The following TG variants were observed in gnomAD, a reference collection of about 807,000 sequenced individuals.
TG encodes the protein thyroglobulin, also known as thyroid hormones.
TG carries 270 observed loss-of-function variants against 324.7 expected under a neutral mutation model. The observed-to-expected ratio is 0.83, with a 90% CI of 0.75 to 0.92. The LOEUF is 0.92. Ranked by LOEUF, TG falls within the 40% of genes least tolerant of loss-of-function variation. The pLI, the probability that TG is intolerant of heterozygous loss-of-function variation, is 0.00. For synonymous variants in TG, 1,401 were observed against 1,327.0 expected (o/e 1.06, Z -1.21); for missense variants, 3,591 against 3,456.4 (o/e 1.04, Z -0.98).
chr8:133,113,275 G>A (rs1202530526), intron 43 of TG, 147 bp from the exon 44 acceptor site: 2 of 874,516 alleles, frequency 2.3e-6, no homozygotes, highest in Admixed American at 2.1e-5. Flanking sequence ...GCTGGGATTC[G>A]AACTCAGACA....
intron 38 of TG, among the ~76,000 whole-genome samples, chr8:133,019,111 G>C (rs1006774025): frequency 6.6e-6 from 1 of 152,210 alleles, no homozygotes; most frequent in Admixed American, 6.5e-5. Flanking sequence ...TAGGTGATGA[G>C]CCAAGTCACC....
Position 132,888,183 on chromosome 8 carries a change from C to A in TG, c.2376C>A (p.Asn792Lys). ...TGTACCAACGATGGGAGGCTCAGAA[C>A]AAGGGCCAGGATCTGACGCCTGCCA... is the stretch of plus-strand genomic sequence containing the variant. ...FELYQRWEAQ[N>K]KGQDLTPAKL... Residue 792 changes from asparagine (N) to lysine (K), a missense_variant, in exon 10 of 48, where the codon AAC becomes AAA. Coordinates refer to ENST00000220616, the MANE Select transcript of TG (RefSeq NM_003235.5). 6.2e-7 allele frequency: 1 copy of A among 1,614,168 alleles called. No individual in the cohort carries two copies. The highest frequency in any genetic ancestry group is 8.5e-7 in the Non-Finnish European group (1 of 1,180,032).
chr8:132,904,828 G>A (rs1818439082), intron 16 of TG, among the ~76,000 whole-genome samples: 2 of 152,172 alleles, frequency 1.3e-5, no homozygotes, highest in Non-Finnish European at 1.5e-5. Context: ...CACTGAAATG[G>A]GAAGGATGCT....
At chr8:132,926,749 G>C (rs1179786739) in intron 22 of TG, among the ~76,000 whole-genome samples, 1 of 152,122 alleles carries the variant, frequency 6.6e-6, no homozygotes. Context: ...ACCATTCCAT[G>C]CTATATTATT....
chr8:133,017,706 GA>G (rs781486463), intron 37 of TG, 71 bp from the exon 38 acceptor site: 1 of 1,419,708 alleles, frequency 7.0e-7, no homozygotes, highest in South Asian at 1.2e-5. Flanking sequence ...AGCACATTCA[GA>G]ATGCCAGTGG....
chr8:133,023,319 A>G (rs1434730315), intron 40 of TG, among the ~76,000 whole-genome samples: 1 of 151,942 alleles, frequency 6.6e-6, no homozygotes, highest in African/African-American at 2.4e-5. Flanking sequence ...ATTTTTTTTG[A>G]TGGGGAGCAG....
chr8:133,061,337 G>A (rs1439830642), intron 41 of TG, among the ~76,000 whole-genome samples: 1 of 152,146 alleles, frequency 6.6e-6, no homozygotes, highest in African/African-American at 2.4e-5. Context: ...TGACTGTTTT[G>A]GGGAACACTA....
chr8:132,872,349 G>T (rs928338675), intron 4 of TG, among the ~76,000 whole-genome samples: 3 of 151,706 alleles, frequency 2.0e-5, no homozygotes, highest in African/African-American at 7.3e-5. Flanking sequence ...GTGGTGGCGG[G>T]CACCTGTAGT....
rs200707041 is a variant in TG, at chr8:132,969,266, T to TA, written c.5864-184dup. On this transcript the variant is annotated intron_variant, in intron 31 of 47. Transcript: ENST00000220616. ...TTTTGTTGCTGTGTCTCCACTTTTT[T>TA]AAAAAAAATCTTTGTCCCTGTGGAC... 2.6e-3 allele frequency among the ~76,000 whole-genome samples: 391 copies of TA among 152,156 alleles called. 3 individuals carry two copies. Among genetic ancestry groups the TA allele is most frequent in the African/African-American group, 6.9e-3 (287 of 41,492 alleles).
At chr8:133,032,020 A>G (rs1185345934) in intron 41 of TG, among the ~76,000 whole-genome samples, 2 of 152,158 alleles carry the variant, frequency 1.3e-5, no homozygotes, top group East Asian at 3.9e-4. Flanking sequence ...CAAGACTGCT[A>G]GCTCCAGCTG....
chr8:132,907,845 T>C (rs1247830335), intron 17 of TG, among the ~76,000 whole-genome samples: 3 of 152,166 alleles, frequency 2.0e-5, no homozygotes, highest in Non-Finnish European at 4.4e-5. Flanking sequence ...TCCCATCATC[T>C]ATGATGTCTA....
intron 5 of TG, among the ~76,000 whole-genome samples, chr8:132,873,596 A>G (rs1012468639): frequency 6.6e-6 from 1 of 152,222 alleles, no homozygotes; most frequent in South Asian, 2.1e-4. Flanking sequence ...GTAGCCATTA[A>G]AAAGACTGCG....
chr8:133,005,080 G>A (rs767272153), intron 35 of TG, among the ~76,000 whole-genome samples: 1 of 152,226 alleles, frequency 6.6e-6, no homozygotes, highest in Non-Finnish European at 1.5e-5. Context: ...AAGGAGCACT[G>A]GGGGACAGTA....
intron 41 of TG, chr8:133,040,048 G>C (rs138114921): frequency 3.2e-6 from 5 of 1,552,948 alleles, no homozygotes; most frequent in Non-Finnish European, 4.4e-6. Flanking sequence ...TGACAGGTGA[G>C]CTGGAGGCCC....
chr8:133,081,474 T>A (rs2131533416), intron 41 of TG, among the ~76,000 whole-genome samples: 1 of 152,284 alleles, frequency 6.6e-6, no homozygotes, highest in South Asian at 2.1e-4. Context: ...CAAAGTTGGA[T>A]CAGCGGTCCA....
chr8:132,952,520 T>TGGGAATTCGGGTGCAGACACCTGC, intron 27 of TG, among the ~76,000 whole-genome samples: 1 of 152,280 alleles, frequency 6.6e-6, no homozygotes, highest in African/African-American at 2.4e-5. Context: ...GAGGCACCTA[T>TGGGAATTCGGGTGCAGACACCTGC]GGGACTTCGG....
intron 30 of TG, among the ~76,000 whole-genome samples, chr8:132,967,531 C>T (rs1828803517): frequency 6.6e-6 from 1 of 152,146 alleles, no homozygotes; most frequent in African/African-American, 2.4e-5. Flanking sequence ...ACTCTTTTGC[C>T]TCTTGTATTG....
At chr8:132,990,173 T>TAA (rs1236972476) in intron 35 of TG, among the ~76,000 whole-genome samples, 2 of 148,662 alleles carry the variant, frequency 1.3e-5, no homozygotes, top group Admixed American at 6.7e-5. Flanking sequence ...TATATATATA[T>TAA]ATATATATAA....
At chr8:133,121,390 G>T (rs945993362) in intron 45 of TG, among the ~76,000 whole-genome samples, 2 of 152,102 alleles carry the variant, frequency 1.3e-5, no homozygotes, top group African/African-American at 4.8e-5. Context: ...ACTGAGCTTT[G>T]AGTAACATTT....
Sources: allele counts gnomAD v4.1 joint callset (sites outside exome capture counted in the v4.1 genomes callset), GRCh38; gene constraint gnomAD v4.1.1; transcripts MANE v1.5; gene names NCBI Gene and HGNC (gene_info 2026-07-23, HGNC 2026-07-21).